Variants in DNER observed in about 807,000 individuals in gnomAD.
DNER encodes delta/notch like EGF repeat containing, also known as delta and Notch-like epidermal growth factor-related receptor.
DNER carries 33 observed loss-of-function variants against 78.2 expected under a neutral mutation model. The ratio of observed to expected loss-of-function variants is 0.42; its 90% CI spans 0.32 to 0.56. The LOEUF is 0.56. DNER is among the 20% of genes least tolerant of loss of function. DNER has a pLI of 0.11. For synonymous variants in DNER, 417 were observed against 384.8 expected (o/e 1.08, Z -0.98); for missense variants, 918 against 975.3 (o/e 0.94, Z 0.78).
At chr2:229,561,643 C>T (rs759997220) in intron 4 of DNER, among the ~76,000 whole-genome samples, 1 of 152,058 alleles carries the variant, frequency 6.6e-6, no homozygotes, top group Non-Finnish European at 1.5e-5. Context: ...TGTTATTAGC[C>T]ACCGTGCTAC....
Position 229,633,850 on chromosome 2 carries a change from C to T in DNER, c.277-41962G>A, listed in dbSNP as rs191928529. ...CATAGAGCAGCGTCTCTGGGCAAGG[C>T]GTCCTCCCTCTAGACTCCTTCTCTG... On this transcript the variant is annotated intron_variant, in intron 1 of 12. Coordinates refer to ENST00000341772, the MANE Select transcript of DNER (RefSeq NM_139072.4). Among the ~76,000 whole-genome samples, 364 of 152,312 alleles carry T rather than the reference C, an allele frequency of 2.4e-3. 1 individual carries two copies. Among genetic ancestry groups the T allele is most frequent in the African/African-American group, 7.6e-3 (318 of 41,572 alleles).
chr2:229,540,250 A>C (rs1340512998), intron 5 of DNER, among the ~76,000 whole-genome samples: 1 of 152,124 alleles, frequency 6.6e-6, no homozygotes, highest in African/African-American at 2.4e-5. Flanking sequence ...CCAGTGAGGC[A>C]ATAAGCATTC....
chr2:229,384,660 G>A (rs1216185465), intron 11 of DNER, among the ~76,000 whole-genome samples: 2 of 152,106 alleles, frequency 1.3e-5, no homozygotes, highest in African/African-American at 4.8e-5. Context: ...AGAAAATCTA[G>A]AAGAAACAGA....
intron 1 of DNER, among the ~76,000 whole-genome samples, chr2:229,667,600 G>A (rs1207879323): frequency 6.6e-6 from 1 of 152,126 alleles, no homozygotes; most frequent in African/African-American, 2.4e-5. Context: ...TTTGGGACCT[G>A]TTTATCCCAT....
At chr2:229,691,208 G>GACA (rs1699565390) in intron 1 of DNER, among the ~76,000 whole-genome samples, 2 of 152,186 alleles carry the variant, frequency 1.3e-5, no homozygotes, top group Admixed American at 1.3e-4. Flanking sequence ...ATTGAGAAGA[G>GACA]ACAACAGTGG....
intron 1 of DNER, among the ~76,000 whole-genome samples, chr2:229,613,050 G>A (rs1334460338): frequency 6.6e-6 from 1 of 152,158 alleles, no homozygotes; most frequent in Non-Finnish European, 1.5e-5. Context: ...CATTCGCATT[G>A]TAAAATGTCC....
At chr2:229,677,846 T>C (rs1306894728) in intron 1 of DNER, among the ~76,000 whole-genome samples, 1 of 152,212 alleles carries the variant, frequency 6.6e-6, no homozygotes, top group Non-Finnish European at 1.5e-5. Context: ...CTCATGATTG[T>C]TCTCTTACAG....
chr2:229,499,694 G>C (rs1413898216), intron 6 of DNER, among the ~76,000 whole-genome samples: 1 of 151,368 alleles, frequency 6.6e-6, no homozygotes, highest in Non-Finnish European at 1.5e-5. Context: ...AAAAGCCCAG[G>C]CAACAAAAGC....
At chr2:229,682,514 T>G (rs1559207657) in intron 1 of DNER, among the ~76,000 whole-genome samples, 1 of 152,168 alleles carries the variant, frequency 6.6e-6, no homozygotes, top group Non-Finnish European at 1.5e-5. Context: ...ATCTTAAAAG[T>G]TAAACTGGTT....
At chr2:229,635,385 A>AAAT in intron 1 of DNER, among the ~76,000 whole-genome samples, 1 of 145,756 alleles carries the variant, frequency 6.9e-6, no homozygotes, top group Non-Finnish European at 1.5e-5. Flanking sequence ...AAAAAAAAAA[A>AAAT]CTCCCATATT....
intron 6 of DNER, among the ~76,000 whole-genome samples, chr2:229,508,968 T>C (rs777567464): frequency 1.3e-5 from 2 of 152,140 alleles, no homozygotes; most frequent in Non-Finnish European, 2.9e-5. Context: ...GGGTGGTTGT[T>C]ATCTGTTATC....
rs536209826 is a variant in DNER, at chr2:229,375,419, A to G, written c.1856-8300T>C. 2.0e-5 allele frequency among the ~76,000 whole-genome samples: 3 copies of G among 152,302 alleles called. No homozygotes were observed. The South Asian group carries it at 6.2e-4, about 32-fold the overall frequency. On this transcript the variant is annotated intron_variant, in intron 11 of 12. Transcript: ENST00000341772. ...CTCACAGAATTGAGTTATCAACCAC[A>G]AAACTCCACAACAGCATTCTTTCCA...
intron 1 of DNER, among the ~76,000 whole-genome samples, chr2:229,653,907 C>A (rs41326645): frequency 0.028 from 4,256 of 152,228 alleles, 204 homozygotes; most frequent in African/African-American, 0.097. Flanking sequence ...AACCATGCTG[C>A]AAAATGCCAA....
intron 10 of DNER, among the ~76,000 whole-genome samples, chr2:229,389,522 C>T (rs1170945295): frequency 6.6e-6 from 1 of 152,134 alleles, no homozygotes; most frequent in Non-Finnish European, 1.5e-5. Flanking sequence ...GAACAAAACT[C>T]CTAGCATGGC....
intron 7 of DNER, among the ~76,000 whole-genome samples, chr2:229,454,380 G>A (rs1223561803): frequency 6.6e-6 from 1 of 152,086 alleles, no homozygotes; most frequent in Non-Finnish European, 1.5e-5. Flanking sequence ...ATACACTACA[G>A]GAAAATTTCA....
At chr2:229,642,471 G>T (rs926345737) in intron 1 of DNER, among the ~76,000 whole-genome samples, 138 of 152,206 alleles carry the variant, frequency 9.1e-4, no homozygotes, top group African/African-American at 3.2e-3. Flanking sequence ...GGCCTGTTGG[G>T]CATAAACATC....
intron 6 of DNER, among the ~76,000 whole-genome samples, chr2:229,496,003 C>T (rs1478623946): frequency 6.6e-6 from 1 of 152,146 alleles, no homozygotes; most frequent in African/African-American, 2.4e-5. Context: ...CACAGTATTG[C>T]CCTACAGAGT....
At chr2:229,517,475 G>A (rs1339255203) in intron 5 of DNER, among the ~76,000 whole-genome samples, 1 of 152,244 alleles carries the variant, frequency 6.6e-6, no homozygotes, top group African/African-American at 2.4e-5. Context: ...TGCTGGAGGT[G>A]CAGAGTGGCC....
intron 6 of DNER, among the ~76,000 whole-genome samples, chr2:229,491,551 A>G (rs929685341): frequency 1.3e-5 from 2 of 152,210 alleles, no homozygotes; most frequent in Non-Finnish European, 2.9e-5. Context: ...TCTGCCTGCA[A>G]TCCTATTCCC....
Sources: allele counts gnomAD v4.1 joint callset (sites outside exome capture counted in the v4.1 genomes callset), GRCh38; gene constraint gnomAD v4.1.1; transcripts MANE v1.5; gene names NCBI Gene and HGNC (gene_info 2026-07-23, HGNC 2026-07-21).